Variants in POU2F1 observed in about 807,000 individuals in gnomAD.
The protein encoded by POU2F1 is POU domain, class 2, transcription factor 1.
Under a neutral mutation model 84.9 loss-of-function variants are expected in POU2F1, and 16 were observed. That is an observed-to-expected ratio of 0.19 (90% CI 0.13 to 0.29). The LOEUF is 0.29. POU2F1 is among the 10% of genes least tolerant of loss of function. The pLI is 1.00. For missense variants in POU2F1, 738 were observed against 942.6 expected (o/e 0.78, Z 2.84); for synonymous variants, 368 against 368.3 (o/e 1.00, Z 0.01).
At chr1:167,284,331 A>G (rs1262726874) in intron 1 of POU2F1, among the ~76,000 whole-genome samples, 1 of 152,216 alleles carries the variant, frequency 6.6e-6, no homozygotes, top group Non-Finnish European at 1.5e-5. Context: ...GGTTCTTGAT[A>G]GTAGAATGAC....
chr1:167,408,457 C>T (rs533880272), intron 13 of POU2F1, among the ~76,000 whole-genome samples: 3 of 152,270 alleles, frequency 2.0e-5, no homozygotes, highest in African/African-American at 7.2e-5. Context: ...GGAAACAAAC[C>T]AGTGCTCATC....
chr1:167,248,159 T>C (rs1269375719), intron 1 of POU2F1, among the ~76,000 whole-genome samples: 1 of 152,254 alleles, frequency 6.6e-6, no homozygotes, highest in East Asian at 1.9e-4. Flanking sequence ...GATTATTCTT[T>C]TGAGTACAGT....
rs989093596 is a variant in POU2F1, at chr1:167,426,097, C to T, written c.*10287C>T. 2 of 152,046 alleles carry T rather than the reference C, an allele frequency of 1.3e-5. No individual in the cohort carries two copies. Among genetic ancestry groups the T allele is most frequent in the Admixed American group, 1.3e-4 (2 of 15,274 alleles). 9.4% of individuals were successfully genotyped at this position (152,046 alleles called of 1,614,324 possible). On this transcript the variant is annotated 3_prime_UTR_variant, in exon 16 of 16. Coordinates refer to ENST00000367866, the MANE Select transcript of POU2F1 (RefSeq NM_002697.4). ...AAAATCCAAATGTTAATAATATTAG[C>T]CTGATGCAGATACCAAAGATAATTT...
intron 1 of POU2F1, among the ~76,000 whole-genome samples, chr1:167,296,837 A>C (rs1337274009): frequency 1.3e-5 from 2 of 152,208 alleles, no homozygotes; most frequent in Admixed American, 1.3e-4. Context: ...GTAGTGTGAA[A>C]TACGGGGACT....
chr1:167,358,840 T>C (rs1659161938), intron 2 of POU2F1, among the ~76,000 whole-genome samples: 1 of 147,790 alleles, frequency 6.8e-6, no homozygotes, highest in Non-Finnish European at 1.5e-5. Context: ...AGGCTTGAGC[T>C]ACTGCACCTG....
At chr1:167,282,914 C>G (rs1049314015) in intron 1 of POU2F1, among the ~76,000 whole-genome samples, 3 of 152,208 alleles carry the variant, frequency 2.0e-5, no homozygotes, top group African/African-American at 7.2e-5. Flanking sequence ...ATATCTCTGT[C>G]TCTGTTTTCT....
chr1:167,405,286 A>G (rs1649492637), intron 13 of POU2F1, among the ~76,000 whole-genome samples: 1 of 152,198 alleles, frequency 6.6e-6, no homozygotes, highest in Admixed American at 6.5e-5. Context: ...ACAAAGGCCC[A>G]AGATACAGGA....
intron 7 of POU2F1, among the ~76,000 whole-genome samples, chr1:167,376,788 T>C (rs1239234290): frequency 6.6e-6 from 1 of 152,178 alleles, no homozygotes; most frequent in Non-Finnish European, 1.5e-5. Flanking sequence ...CCTTTTTTCT[T>C]CTTGATCATT....
At chr1:167,299,980 T>A (rs189904257) in intron 1 of POU2F1, among the ~76,000 whole-genome samples, 1 of 152,322 alleles carries the variant, frequency 6.6e-6, no homozygotes, top group East Asian at 1.9e-4. Flanking sequence ...GAGTAGCTAC[T>A]GTGCACTGTT....
At chr1:167,271,371 C>T (rs1423823901) in intron 1 of POU2F1, among the ~76,000 whole-genome samples, 1 of 152,128 alleles carries the variant, frequency 6.6e-6, no homozygotes. Context: ...CTAAAACTTG[C>T]CTTTTCAACA....
chr1:167,268,451 A>G (rs1652134612), intron 1 of POU2F1, among the ~76,000 whole-genome samples: 1 of 152,120 alleles, frequency 6.6e-6, no homozygotes. Context: ...AGAGCAGCTC[A>G]GATGCCATGA....
chr1:167,396,704 C>A, intron 10 of POU2F1: 1 of 332,742 alleles, frequency 3.0e-6, no homozygotes, highest in Non-Finnish European at 5.5e-6. Context: ...CACACACACA[C>A]ACACAGTTGA....
At chr1:167,226,768 A>G (rs1301723801) in intron 1 of POU2F1, among the ~76,000 whole-genome samples, 1 of 152,138 alleles carries the variant, frequency 6.6e-6, no homozygotes, top group Non-Finnish European at 1.5e-5. Flanking sequence ...GTATCTTTGT[A>G]TACTCAGTGA....
At chr1:167,228,695 G>A (rs10753753) in intron 1 of POU2F1, among the ~76,000 whole-genome samples, 94,333 of 152,126 alleles carry the variant, frequency 0.62, 30,948 homozygotes, top group East Asian at 0.87. Context: ...TTCTTAGCCT[G>A]ATTAGTAGAT....
intron 1 of POU2F1, among the ~76,000 whole-genome samples, chr1:167,326,346 T>A (rs1431524641): frequency 6.6e-6 from 1 of 152,222 alleles, no homozygotes; most frequent in East Asian, 1.9e-4. Context: ...GATTCTTTGC[T>A]ATTATTTCAG....
intron 1 of POU2F1, among the ~76,000 whole-genome samples, chr1:167,315,505 G>T (rs946047306): frequency 2.0e-5 from 3 of 152,182 alleles, no homozygotes; most frequent in Non-Finnish European, 4.4e-5. Context: ...GCTGAGCATG[G>T]TGGCTCATGC....
chr1:167,394,840 C>A (rs905014591), intron 9 of POU2F1, among the ~76,000 whole-genome samples: 1 of 152,100 alleles, frequency 6.6e-6, no homozygotes, highest in South Asian at 2.1e-4. Flanking sequence ...AAATATGTTA[C>A]TTTTTTAACC....
In POU2F1 at chr1:167,383,851, C is replaced by T. The variant is rs1170053443; in HGVS notation, c.719-6C>T. 1 of 1,608,900 alleles carries T rather than the reference C, an allele frequency of 6.2e-7. No homozygotes were observed. Among genetic ancestry groups the T allele is most frequent in the South Asian group, 1.1e-5 (1 of 90,466 alleles). ...TGTTTCTGGATAACATGTTTTTCTT[C>T]TACAGGTCTCCTGCAAGCGCAAAAT... On this transcript the variant is annotated splice_region_variant and splice_polypyrimidine_tract_variant and intron_variant, in intron 7 of 15. Coordinates refer to ENST00000367866, the MANE Select transcript of POU2F1 (RefSeq NM_002697.4).
At position 167,365,536 on chromosome 1, in the gene POU2F1, A is replaced by C; in HGVS notation, c.197A>C (p.Gln66Pro). The part of the protein sequence containing the change: ...VPVGGAISTA[Q>P]AQAFLGHLHQ... Reference sequence around the variant, plus strand: ...GTAGGAGGAGCAATCTCAACAGCCCAGGCGCAGGCTTTCCTTGGACATCTC... The same window carrying C: ...GTAGGAGGAGCAATCTCAACAGCCCCGGCGCAGGCTTTCCTTGGACATCTC... The change falls in exon 3 of 16, where the codon CAG (glutamine) becomes CCG (proline). Residue 66 changes from glutamine to proline, a missense_variant. Gln to Pro is a moderately conservative substitution (Grantham distance 76). Coordinates refer to ENST00000367866, the MANE Select transcript of POU2F1 (RefSeq NM_002697.4). The C allele has an allele frequency of 1.2e-6, 2 of 1,601,490 alleles. No homozygotes were observed. Among genetic ancestry groups the C allele is most frequent in the Non-Finnish European group, 1.7e-6 (2 of 1,174,446 alleles).
Sources: gnomAD v4.1 joint callset for allele counts (sites outside exome capture counted in the v4.1 genomes callset) on GRCh38, gnomAD v4.1.1 for gene constraint, MANE v1.5 for transcripts, NCBI Gene and HGNC (gene_info 2026-07-23, HGNC 2026-07-21) for gene names.